ZNF407: variants seen among roughly 807,000 people sequenced by gnomAD.
ZNF407 encodes the protein zinc finger protein 407.
ZNF407 carries 17 observed loss-of-function variants against 131.2 expected under a neutral mutation model. The observed-to-expected ratio is 0.13, with a 90% CI of 0.09 to 0.19. The LOEUF (loss-of-function observed/expected upper bound fraction) is 0.19. Ranked by LOEUF, ZNF407 falls within the 10% of genes least tolerant of loss-of-function variation. The pLI, the probability that ZNF407 is intolerant of heterozygous loss-of-function variation, is 1.00. For synonymous variants in ZNF407, 1,156 were observed against 1,062.0 expected (o/e 1.09, Z -1.72); for missense variants, 2,681 against 2,830.6 (o/e 0.95, Z 1.20).
intron 3 of ZNF407, among the ~76,000 whole-genome samples, chr18:74,758,332 A>G (rs974430391): frequency 6.6e-6 from 1 of 152,130 alleles, no homozygotes; most frequent in African/African-American, 2.4e-5. Flanking sequence ...ATGTGTGTGT[A>G]TAAATTTTCT....
intron 1 of ZNF407, among the ~76,000 whole-genome samples, chr18:74,627,770 TTCTCTCTTTCTCTCTCTC>T (rs1399421794): frequency 7.6e-6 from 1 of 130,910 alleles, no homozygotes; most frequent in Non-Finnish European, 1.6e-5. Context: ...TTGTTCAGTT[TTCTCTCTTTCTCTCTCTC>T]TCTCTCTTTC....
rs1277575089 is a variant in ZNF407 at position 74,676,465 on chromosome 18, C to G, written c.4802+35343C>G. Among the ~76,000 whole-genome samples, 6 of 141,532 alleles carry G rather than the reference C, an allele frequency of 4.2e-5. No homozygotes were observed. The South Asian group carries it at 6.7e-4, about 16-fold the overall frequency. 92.9% of individuals were successfully genotyped at this position (141,532 alleles called of 152,430 possible). A position where few individuals can be genotyped will look rare whatever the true frequency, so the allele number is the denominator to read the frequency against. ...TTTTTTTTTTTTTTTGAGACGGAGTCTCGCTCTGTCACCCAGGCTGGAGTG... is the reference window on the plus strand; with the variant it reads ...TTTTTTTTTTTTTTTGAGACGGAGTGTCGCTCTGTCACCCAGGCTGGAGTG... On this transcript the variant is annotated intron_variant, in intron 3 of 8. Transcript: ENST00000299687.
intron 8 of ZNF407, among the ~76,000 whole-genome samples, chr18:74,952,748 G>A (rs1021897973): frequency 1.3e-5 from 2 of 152,208 alleles, no homozygotes; most frequent in African/African-American, 4.8e-5. Flanking sequence ...TTTGACAGAA[G>A]TATAAACCCT....
At position 75,048,220 on chromosome 18, in the gene ZNF407, C is replaced by T. The variant is rs926488322; in HGVS notation, c.5429-14930C>T. Among the ~76,000 whole-genome samples, 1 of 152,188 alleles carries T rather than the reference C, an allele frequency of 6.6e-6. No individual in the cohort carries two copies. The highest frequency in any genetic ancestry group is 1.5e-5 in the Non-Finnish European group (1 of 68,030). ...GTACAGACACCGCCCTTTTTGCTCT[C>T]AATGGTATTCTGATTTCACTGATTA... On this transcript the variant is annotated intron_variant, in intron 8 of 8. Transcript: ENST00000299687. This position sits in a 1 kb window ranked among gnomAD's most constrained non-coding sequence, Gnocchi z 4.1.
In ZNF407 at chr18:74,703,369, C is replaced by T. The variant is rs112603455; in HGVS notation, c.4802+62247C>T. 1.4e-5 allele frequency among the ~76,000 whole-genome samples: 2 copies of T among 143,658 alleles called. No individual in the cohort carries two copies. The highest frequency in any genetic ancestry group is 3.1e-5 in the Non-Finnish European group (2 of 65,502). The allele number at this position is 143,658 out of a possible 152,430, so 94.2% of individuals were successfully genotyped here. On this transcript the variant is annotated intron_variant, in intron 3 of 8. Transcript: ENST00000299687. This position sits in a 1 kb window ranked among gnomAD's most constrained non-coding sequence, Gnocchi z 4.1. ...CATGTGTGTCTCTGTCTCTGTCTCTCTCTCTCTCTTTTCTGAGATGGAGTT... is the reference window on the plus strand; with the variant it reads ...CATGTGTGTCTCTGTCTCTGTCTCTTTCTCTCTCTTTTCTGAGATGGAGTT...
chr18:74,754,858 A>G (rs557679), intron 3 of ZNF407, among the ~76,000 whole-genome samples: 2,391 of 152,286 alleles, frequency 0.016, 72 homozygotes, highest in African/African-American at 0.053. Context: ...GTAGATGTCT[A>G]TTAGATCCGC....
At chr18:74,881,161 A>C in intron 6 of ZNF407, 42 bp downstream of exon 6, 1 of 1,509,690 alleles carries the variant, frequency 6.6e-7, no homozygotes, top group South Asian at 1.2e-5. Flanking sequence ...TGCAGAGAGG[A>C]CGGCAAGACA....
chr18:74,900,004 G>A (rs1379258976), intron 7 of ZNF407, among the ~76,000 whole-genome samples: 2 of 152,240 alleles, frequency 1.3e-5, no homozygotes, highest in South Asian at 2.1e-4. Context: ...ACGGATGCGT[G>A]CTGTCTTTGT....
intron 8 of ZNF407, among the ~76,000 whole-genome samples, chr18:75,036,409 C>A (rs1450337249): frequency 6.6e-6 from 1 of 152,184 alleles, no homozygotes; most frequent in Non-Finnish European, 1.5e-5. Flanking sequence ...GGAGAGAATT[C>A]ATACCATTTG....
chr18:74,621,042 A>G (rs1170791893), intron 1 of ZNF407, among the ~76,000 whole-genome samples: 2 of 152,128 alleles, frequency 1.3e-5, no homozygotes, highest in Non-Finnish European at 2.9e-5. Flanking sequence ...TTTTCAGGAA[A>G]CGTTAAGATA....
chr18:74,900,156 G>A (rs897795685), intron 7 of ZNF407, among the ~76,000 whole-genome samples: 1 of 152,160 alleles, frequency 6.6e-6, no homozygotes, highest in Non-Finnish European at 1.5e-5. Flanking sequence ...ACGTGATTAG[G>A]GTTGGTGAAG....
chr18:74,909,132 A>AG (rs1971635452), intron 7 of ZNF407, among the ~76,000 whole-genome samples: 1 of 151,510 alleles, frequency 6.6e-6, no homozygotes. Flanking sequence ...CCAAAAAAAA[A>AG]AGAAATTGCA....
At chr18:75,049,050 AC>A (rs1416956989) in intron 8 of ZNF407, among the ~76,000 whole-genome samples, 1 of 111,436 alleles carries the variant, frequency 9.0e-6, no homozygotes, top group Non-Finnish European at 1.6e-5. Context: ...GCTCATGGCC[AC>A]CTCGTTGTTT....
intron 3 of ZNF407, among the ~76,000 whole-genome samples, chr18:74,777,397 A>G (rs775574901): frequency 1.3e-5 from 2 of 151,932 alleles, no homozygotes; most frequent in Non-Finnish European, 2.9e-5. Context: ...GATGCTTGCA[A>G]ATGGATGACT....
rs1445389166 is a variant in ZNF407, at chr18:74,755,582, G to T, written c.4803-25846G>T. 8.9e-4 allele frequency among the ~76,000 whole-genome samples: 78 copies of T among 87,322 alleles called. 3 individuals carry two copies. The Middle Eastern group carries it at 0.016, about 18-fold the overall frequency. 57.3% of individuals were successfully genotyped at this position (87,322 alleles called of 152,430 possible). A position where few individuals can be genotyped will look rare whatever the true frequency, so the allele number is the denominator to read the frequency against. The stretch of plus-strand genomic sequence containing the variant: ...TTCCTTCCTTCCTTCCTCCTTTCTG[G>T]TTTTTTTTTTTTTTTTTTTTTTCTG... On this transcript the variant is annotated intron_variant, in intron 3 of 8. Coordinates refer to ENST00000299687, the MANE Select transcript of ZNF407 (RefSeq NM_017757.3).
chr18:74,728,792 G>T (rs1454516563), intron 3 of ZNF407, among the ~76,000 whole-genome samples: 3 of 152,190 alleles, frequency 2.0e-5, no homozygotes, highest in Non-Finnish European at 4.4e-5. Context: ...GGGCAGTGCT[G>T]GGGAGGCTCA....
At chr18:74,630,834 C>T in intron 1 of ZNF407, 133 bp from the exon 2 acceptor site, 1 of 573,694 alleles carries the variant, frequency 1.7e-6, no homozygotes, top group East Asian at 3.2e-5. Flanking sequence ...AGACTTTAGA[C>T]ATGTAATCAA....
rs759675097 is a variant in ZNF407 at position 74,632,092 on chromosome 18, A to C, written c.1073A>C (p.Glu358Ala). Reference sequence around the variant, plus strand: ...CCTTCCAGAAATACTTTGTCACAGGAAGTAGAGATTGTTGAAGAACATGTT... The same window carrying C: ...CCTTCCAGAAATACTTTGTCACAGGCAGTAGAGATTGTTGAAGAACATGTT... ...MMPSRNTLSQ[E>A]VEIVEEHVTS... The change falls in exon 2 of 9, where the codon GAA (glutamate) becomes GCA (alanine). Residue 358 changes from glutamate (E) to alanine (A), a missense_variant. Physicochemically the swap from Glu to Ala is moderately radical, Grantham distance 107. This residue lies in a region of ZNF407 where 1,789 missense variants were observed against 1,748.7 expected (regional missense o/e 1.02). Transcript: ENST00000299687. 1 of 1,613,930 alleles carries C rather than the reference A, an allele frequency of 6.2e-7. No homozygotes were observed. The highest frequency in any genetic ancestry group is 8.5e-7 in the Non-Finnish European group (1 of 1,179,884).
At chr18:74,787,396 T>C (rs955506676) in intron 4 of ZNF407, among the ~76,000 whole-genome samples, 4 of 152,212 alleles carry the variant, frequency 2.6e-5, no homozygotes, top group Non-Finnish European at 4.4e-5. Flanking sequence ...GTCAGCAATG[T>C]GTTATTACTA....
Sources: gnomAD v4.1 joint callset for allele counts (sites outside exome capture counted in the v4.1 genomes callset) on GRCh38, gnomAD v4.1.1 for gene constraint, gnomAD v4.1.1 regional missense constraint, Gnocchi (gnomAD v3.1) non-coding constraint, MANE v1.5 for transcripts, NCBI Gene and HGNC (gene_info 2026-07-23, HGNC 2026-07-21) for gene names.